Variants in UST observed in about 807,000 individuals in gnomAD.
The protein encoded by UST is uronyl 2-sulfotransferase, also known as chondroitin sulfate 2-O-sulfotransferase.
In UST, 21 loss-of-function variants were observed where a neutral mutation model predicts 45.6. The observed-to-expected ratio is 0.46, with a 90% CI of 0.33 to 0.66. The LOEUF (loss-of-function observed/expected upper bound fraction) is 0.66, where lower values mean the gene tolerates loss of function less well. Among genes scored for constraint, UST ranks in the 30% least tolerant of loss-of-function variants. The pLI, the probability that UST is intolerant of heterozygous loss-of-function variation, is 0.02. For missense variants in UST, 463 were observed against 512.4 expected, an observed-to-expected ratio of 0.90 and a Z score of 0.93; for synonymous variants, 215 against 200.6, an observed-to-expected ratio of 1.07 and a Z score of -0.61.
chr6:148,959,595 C>T (rs369773394), intron 4 of UST, among the ~76,000 whole-genome samples: 1 of 152,182 alleles, frequency 6.6e-6, no homozygotes, highest in East Asian at 1.9e-4. Context: ...GCATGGGCCA[C>T]CAGCTGTGTT....
chr6:148,807,678 G>A (rs1359460415), intron 1 of UST, among the ~76,000 whole-genome samples: 1 of 152,118 alleles, frequency 6.6e-6, no homozygotes, highest in Non-Finnish European at 1.5e-5. Flanking sequence ...TCTTCAGCAA[G>A]GGTGTTAGGG....
intron 7 of UST, among the ~76,000 whole-genome samples, chr6:149,043,448 CT>C (rs34320077): frequency 6.6e-6 from 1 of 152,210 alleles, no homozygotes; most frequent in Non-Finnish European, 1.5e-5. Context: ...CATATTCCTG[CT>C]TTTTTTCTGG....
chr6:149,063,906 T>A (rs542613601), intron 7 of UST, among the ~76,000 whole-genome samples: 3 of 152,206 alleles, frequency 2.0e-5, no homozygotes, highest in African/African-American at 7.2e-5. Flanking sequence ...CTAGAGAAAA[T>A]TTTTTAGGAG....
At chr6:148,830,952 A>G (rs1259147407) in intron 1 of UST, among the ~76,000 whole-genome samples, 1 of 151,760 alleles carries the variant, frequency 6.6e-6, no homozygotes, top group East Asian at 1.9e-4. Flanking sequence ...GGTAAATTAT[A>G]TATGTATTTT....
At chr6:148,791,933 C>A (rs950132036) in intron 1 of UST, among the ~76,000 whole-genome samples, 2 of 152,170 alleles carry the variant, frequency 1.3e-5, no homozygotes, top group African/African-American at 4.8e-5. Flanking sequence ...TAAGCTTGCA[C>A]ACTTACTTTA....
chr6:148,892,246 C>T (rs1331929157), intron 2 of UST, among the ~76,000 whole-genome samples: 1 of 152,138 alleles, frequency 6.6e-6, no homozygotes, highest in Non-Finnish European at 1.5e-5. Flanking sequence ...CGTGTGATGG[C>T]TTGCATTCAT....
At chr6:149,063,041 C>T (rs1776678823) in intron 7 of UST, among the ~76,000 whole-genome samples, 1 of 152,182 alleles carries the variant, frequency 6.6e-6, no homozygotes, top group African/African-American at 2.4e-5. Context: ...GGGTGGCCAA[C>T]TACAGATTTT....
At chr6:148,835,820 T>G (rs1777775906) in intron 1 of UST, among the ~76,000 whole-genome samples, 1 of 152,212 alleles carries the variant, frequency 6.6e-6, no homozygotes, top group Non-Finnish European at 1.5e-5. Context: ...AGCAATCAGC[T>G]TTCCTTGGAA....
At position 148,927,310 on chromosome 6, in the gene UST, G is replaced by A. The variant is rs556318667; in HGVS notation, c.292-13969G>A. ...AGGCTAGTGAGTTCATCAGGTTAGC[G>A]TAATTGGTGAAAAAACAATTATATA... is the stretch of plus-strand genomic sequence containing the variant. On this transcript the variant is annotated intron_variant, in intron 2 of 7. Coordinates refer to ENST00000367463, the MANE Select transcript of UST (RefSeq NM_005715.3). 4.6e-5 allele frequency among the ~76,000 whole-genome samples: 7 copies of A among 152,196 alleles called. No individual in the cohort carries two copies. The South Asian group carries it at 6.2e-4, about 14-fold the overall frequency.
intron 5 of UST, 23 bp from the exon 6 acceptor site, chr6:149,019,116 G>C: frequency 6.4e-7 from 1 of 1,557,816 alleles, no homozygotes; most frequent in South Asian, 1.1e-5. Context: ...CAAGACATCT[G>C]ACTGCTGTAT....
chr6:148,998,919 C>A (rs1022224832), intron 5 of UST, among the ~76,000 whole-genome samples: 1 of 152,230 alleles, frequency 6.6e-6, no homozygotes, highest in African/African-American at 2.4e-5. Flanking sequence ...TCACAGCAGT[C>A]AGCCAGTGGC....
chr6:148,913,427 T>C (rs1321080440), intron 2 of UST, among the ~76,000 whole-genome samples: 27 of 59,008 alleles, frequency 4.6e-4, no homozygotes, highest in African/African-American at 1.1e-3. Context: ...AAAAATCTTT[T>C]TTTTTTTTTT....
chr6:149,023,318 G>A (rs1776007395), intron 7 of UST, among the ~76,000 whole-genome samples: 1 of 152,152 alleles, frequency 6.6e-6, no homozygotes, highest in Non-Finnish European at 1.5e-5. Context: ...AGCTGCTATG[G>A]ATGAAGAGAG....
chr6:149,021,348 G>A lies in UST; in HGVS notation c.804G>A (p.Glu268=). ...GGGAGCCTGGTGAATGGGCCCTTGA[G>A]AGAGCAAAGCTGAACGTGAATGAAA... is the stretch of plus-strand genomic sequence containing the variant. ...RCREPGEWAL[E]RAKLNVNENF... is the part of the protein sequence containing the mutation. Residue 268 remains glutamate, a synonymous_variant, in exon 7 of 8, where the codon GAG becomes GAA. Coordinates refer to ENST00000367463, the MANE Select transcript of UST (RefSeq NM_005715.3). 1 of 1,613,652 alleles carries A rather than the reference G, an allele frequency of 6.2e-7. No individual in the cohort carries two copies. The highest frequency in any genetic ancestry group is 8.5e-7 in the Non-Finnish European group (1 of 1,179,738).
At chr6:148,902,443 C>G (rs1779278900) in intron 2 of UST, among the ~76,000 whole-genome samples, 1 of 151,752 alleles carries the variant, frequency 6.6e-6, no homozygotes, top group South Asian at 2.1e-4. Context: ...GCTATGTTGC[C>G]CAGCCAGGTC....
chr6:148,992,394 G>A (rs1781371867), intron 5 of UST, among the ~76,000 whole-genome samples: 1 of 152,164 alleles, frequency 6.6e-6, no homozygotes, highest in South Asian at 2.1e-4. Context: ...GGGTGAACCC[G>A]AGGGGCGGAG....
chr6:149,041,694 A>G (rs1249664851), intron 7 of UST, among the ~76,000 whole-genome samples: 1 of 152,164 alleles, frequency 6.6e-6, no homozygotes, highest in Admixed American at 6.5e-5. Flanking sequence ...GACCAGAACA[A>G]AGAGAGTTTC....
intron 4 of UST, among the ~76,000 whole-genome samples, chr6:148,959,672 C>A (rs963124375): frequency 2.6e-5 from 4 of 152,178 alleles, no homozygotes; most frequent in Non-Finnish European, 5.9e-5. Flanking sequence ...CTGTTTATTT[C>A]ATGCCTTGTC....
intron 2 of UST, among the ~76,000 whole-genome samples, chr6:148,928,665 G>A (rs1402650532): frequency 1.3e-5 from 2 of 152,200 alleles, no homozygotes; most frequent in Non-Finnish European, 2.9e-5. Flanking sequence ...CTGGTGGATT[G>A]CGTCTAGATT....
Sources: gnomAD v4.1 joint callset for allele counts (sites outside exome capture counted in the v4.1 genomes callset) on GRCh38, gnomAD v4.1.1 for gene constraint, MANE v1.5 for transcripts, NCBI Gene and HGNC (gene_info 2026-07-23, HGNC 2026-07-21) for gene names.